CCDC138: variants seen among roughly 807,000 people sequenced by gnomAD.
CCDC138 encodes coiled-coil domain-containing protein 138.
Under a neutral mutation model 82.3 loss-of-function variants are expected in CCDC138, and 66 were observed. The observed-to-expected ratio is 0.80, with a 90% CI of 0.66 to 0.98. The LOEUF (loss-of-function observed/expected upper bound fraction) is 0.98, where lower values mean the gene tolerates loss of function less well. Among genes scored for constraint, CCDC138 ranks in the 50% least tolerant of loss-of-function variants. The pLI is 0.00. For missense variants in CCDC138, 816 were observed against 758.9 expected (o/e 1.08, Z -0.88); for synonymous variants, 297 against 265.4 (o/e 1.12, Z -1.16).
chr2:108,869,608 T>C (rs141360093), intron 13 of CCDC138, among the ~76,000 whole-genome samples: 2 of 152,134 alleles, frequency 1.3e-5, no homozygotes, highest in South Asian at 4.1e-4. Context: ...AGGAATACCA[T>C]ACAAGATCTA....
At chr2:108,814,427 T>A (rs1422345560) in intron 9 of CCDC138, among the ~76,000 whole-genome samples, 1 of 152,122 alleles carries the variant, frequency 6.6e-6, no homozygotes, top group African/African-American at 2.4e-5. Flanking sequence ...GACTTTATAT[T>A]CAGGGACTGA....
chr2:108,821,018 T>TAAA (rs35010202), intron 10 of CCDC138, among the ~76,000 whole-genome samples: 2 of 151,908 alleles, frequency 1.3e-5, no homozygotes, highest in African/African-American at 4.8e-5. Context: ...ACAAAAGTAT[T>TAAA]AAAAAAAACT....
chr2:108,879,687 C>A (rs80081674), downstream of CCDC138, among the ~76,000 whole-genome samples: 1,363 of 152,066 alleles, frequency 9.0e-3, 26 homozygotes, highest in African/African-American at 0.031. Context: ...TTAATTGTTA[C>A]CATTTTATAG....
intron 13 of CCDC138, among the ~76,000 whole-genome samples, chr2:108,865,112 T>G (rs1196201449): frequency 1.3e-5 from 2 of 152,066 alleles, no homozygotes; most frequent in African/African-American, 4.8e-5. Context: ...TTCCTTTTTA[T>G]CACAGGAATG....
rs182737557 is a variant in CCDC138, at chr2:108,832,173, G to T, written c.1207-7012G>T. Among the ~76,000 whole-genome samples the T allele has an allele frequency of 7.9e-3, 1,203 of 151,966 alleles. 23 individuals are homozygous for T. Among genetic ancestry groups the T allele is most frequent in the African/African-American group, 0.027 (1,101 of 41,432 alleles). On this transcript the variant is annotated intron_variant, in intron 10 of 14. Transcript: ENST00000295124. ...GCCTCCCTAGTAGCTGGGATTACAG[G>T]TGTACGCCATCACACCTGGCTAATT...
At chr2:108,850,448 G>A (rs963136901) in intron 12 of CCDC138, among the ~76,000 whole-genome samples, 16 of 151,680 alleles carry the variant, frequency 1.1e-4, no homozygotes, top group Non-Finnish European at 2.1e-4. Flanking sequence ...AGTTTTTTTT[G>A]TTTTGTTTTG....
intron 5 of CCDC138, among the ~76,000 whole-genome samples, chr2:108,798,112 A>G (rs1315740907): frequency 6.6e-6 from 1 of 152,132 alleles, no homozygotes; most frequent in Non-Finnish European, 1.5e-5. Context: ...ATAGTGGACT[A>G]TGATGTGGAA....
intron 13 of CCDC138, among the ~76,000 whole-genome samples, chr2:108,872,660 AGGGCAAGAGAGAG>A (rs1200114987): frequency 6.6e-6 from 1 of 152,114 alleles, no homozygotes; most frequent in East Asian, 1.9e-4. Flanking sequence ...AGAGGACAAG[AGGGCAAGAGAGAG>A]CAAGAGGGGG....
Position 108,873,346 on chromosome 2 carries a change from T to A in CCDC138, c.1694-105T>A, listed in dbSNP as rs191017279. The A allele has an allele frequency of 2.8e-6, 3 of 1,061,344 alleles. No homozygotes were observed. In the Admixed American group the frequency reaches 9.1e-5, roughly 32 times the overall value. The allele number at this position is 1,061,344 out of a possible 1,614,324, so 65.7% of individuals were successfully genotyped here. On this transcript the variant is annotated intron_variant, in intron 13 of 14. Coordinates refer to ENST00000295124, the MANE Select transcript of CCDC138 (RefSeq NM_144978.3). ...TTTAAGTATGAAAAGAATGAAAATC[T>A]AAATGAATATTTATAAATGCCTCAC...
chr2:108,863,973 G>A (rs113021501), intron 13 of CCDC138, among the ~76,000 whole-genome samples: 3 of 152,140 alleles, frequency 2.0e-5, no homozygotes, highest in African/African-American at 7.2e-5. Flanking sequence ...TGATTGGTTT[G>A]CATCCCCTTG....
intron 7 of CCDC138, among the ~76,000 whole-genome samples, chr2:108,808,543 T>G (rs1439112408): frequency 6.6e-6 from 1 of 152,320 alleles, no homozygotes; most frequent in East Asian, 1.9e-4. Flanking sequence ...GTCTTTTTCA[T>G]AGCCTTTCTA....
At chr2:108,829,755 A>G (rs1183125479) in intron 10 of CCDC138, among the ~76,000 whole-genome samples, 1 of 152,182 alleles carries the variant, frequency 6.6e-6, no homozygotes, top group East Asian at 1.9e-4. Flanking sequence ...ATACATACAT[A>G]TGTACATATA....
At chr2:108,869,788 T>C (rs1457055363) in intron 13 of CCDC138, among the ~76,000 whole-genome samples, 5 of 152,078 alleles carry the variant, frequency 3.3e-5, no homozygotes, top group Admixed American at 3.3e-4. Context: ...TTCCCAAGGC[T>C]CAGGTGCTTG....
intron 4 of CCDC138, among the ~76,000 whole-genome samples, chr2:108,793,954 G>A (rs902424016): frequency 2.0e-5 from 3 of 152,092 alleles, no homozygotes; most frequent in African/African-American, 4.8e-5. Context: ...CGAGACTGTA[G>A]CATCTGTATA....
intron 12 of CCDC138, among the ~76,000 whole-genome samples, chr2:108,853,885 T>TATATTATATATAATATATA (rs1692001039): frequency 8.2e-6 from 1 of 122,380 alleles, no homozygotes; most frequent in Non-Finnish European, 1.6e-5. Context: ...TATAATATAT[T>TATATTATATATAATATATA]ATATAGTATA....
intron 7 of CCDC138, among the ~76,000 whole-genome samples, chr2:108,808,537 T>C (rs1410371741): frequency 6.6e-6 from 1 of 152,210 alleles, no homozygotes. Context: ...CTTTTTGTCT[T>C]TTTCATAGCC....
At chr2:108,832,291 T>C (rs1351201295) in intron 10 of CCDC138, among the ~76,000 whole-genome samples, 1 of 151,240 alleles carries the variant, frequency 6.6e-6, no homozygotes, top group Non-Finnish European at 1.5e-5. Flanking sequence ...CCTCCCAAAG[T>C]GCTGAGATTA....
At chr2:108,845,367 C>T (rs574530608) in intron 11 of CCDC138, among the ~76,000 whole-genome samples, 29 of 152,162 alleles carry the variant, frequency 1.9e-4, no homozygotes, top group African/African-American at 6.5e-4. Flanking sequence ...AATTTAAAAG[C>T]TAAAACTTAT....
At chr2:108,853,968 ATATATAT>A (rs1692074362) in intron 12 of CCDC138, among the ~76,000 whole-genome samples, 3 of 112,352 alleles carry the variant, frequency 2.7e-5, no homozygotes, top group South Asian at 2.5e-4. Flanking sequence ...ATATAATAAA[ATATATAT>A]AATATATAAT....
Sources: gnomAD v4.1 joint callset for allele counts (sites outside exome capture counted in the v4.1 genomes callset) on GRCh38, gnomAD v4.1.1 for gene constraint, MANE v1.5 for transcripts, NCBI Gene and HGNC (gene_info 2026-07-23, HGNC 2026-07-21) for gene names.